The following C7 variants were observed in gnomAD, a reference collection of about 807,000 sequenced individuals.
C7 encodes the protein complement component C7.
C7 carries 83 observed loss-of-function variants against 104.8 expected under a neutral mutation model. The observed-to-expected ratio is 0.79, with a 90% CI of 0.66 to 0.95. The LOEUF is 0.95. C7 is among the 40% of genes least tolerant of loss of function. The pLI is 0.00. For synonymous variants in C7, 415 were observed against 360.6 expected, an observed-to-expected ratio of 1.15 and a Z score of -1.71; for missense variants, 1,070 against 1,011.2, an observed-to-expected ratio of 1.06 and a Z score of -0.79.
chr5:40,939,700 C>T lies in C7; in HGVS notation c.567+2010C>T, dbSNP rs183500547. On this transcript the variant is annotated intron_variant, in intron 6 of 17. Transcript: ENST00000313164. ...TTCTTTCATAATTATAATGTGGAGA[C>T]TTGCATGTATATTTTTGAAAGGGTC... 5.7e-4 allele frequency among the ~76,000 whole-genome samples: 87 copies of T among 152,264 alleles called. 1 individual carries two copies. Among genetic ancestry groups the T allele is most frequent in the Non-Finnish European group, 1.1e-3 (77 of 68,030 alleles).
intron 11 of C7, among the ~76,000 whole-genome samples, chr5:40,958,621 C>T (rs1740350923): frequency 6.6e-6 from 1 of 152,186 alleles, no homozygotes; most frequent in Admixed American, 6.5e-5. Context: ...ATGGCATGCT[C>T]TTTGAAACAT....
intron 15 of C7, among the ~76,000 whole-genome samples, chr5:40,973,820 A>G (rs996296585): frequency 6.6e-6 from 1 of 152,258 alleles, no homozygotes; most frequent in Non-Finnish European, 1.5e-5. Context: ...CTAAAATGCT[A>G]CTTCAGCTAT....
At chr5:40,940,351 G>T (rs899786342) in intron 6 of C7, among the ~76,000 whole-genome samples, 4 of 152,118 alleles carry the variant, frequency 2.6e-5, no homozygotes, top group Admixed American at 2.0e-4. Context: ...GGCATTTATG[G>T]CTTGGGAAGG....
intron 15 of C7, 139 bp downstream of exon 15, chr5:40,972,733 AGACT>A: frequency 1.6e-6 from 1 of 624,966 alleles, no homozygotes; most frequent in Non-Finnish European, 2.7e-6. Flanking sequence ...GTCAGTTTGT[AGACT>A]GAGTAACAGA....
Position 40,909,728 on chromosome 5 carries a change from A to C in C7, c.6+112A>C, listed in dbSNP as rs189419523. On this transcript the variant is annotated intron_variant, in intron 1 of 17. Coordinates refer to ENST00000313164, the MANE Select transcript of C7 (RefSeq NM_000587.4). ...TGTAATACCTAACTGAAAGACATCA[A>C]ATAAATAGAAGGCCAGAGGAAAATA... The C allele has an allele frequency of 1.2e-3, 762 of 649,872 alleles. 4 individuals carry two copies. The African/African-American group carries it at 0.012, about 11-fold the overall frequency. The allele number at this position is 649,872 out of a possible 1,614,324, so 40.3% of individuals were successfully genotyped here.
chr5:40,922,814 A>G (rs916549953), intron 1 of C7, among the ~76,000 whole-genome samples: 3 of 152,318 alleles, frequency 2.0e-5, no homozygotes, highest in Non-Finnish European at 4.4e-5. Flanking sequence ...CTTCTGCCAT[A>G]TACAAAAATA....
intron 13 of C7, 117 bp downstream of exon 13, chr5:40,962,289 G>A: frequency 1.8e-6 from 1 of 556,150 alleles, no homozygotes; most frequent in Non-Finnish European, 3.0e-6. Flanking sequence ...TTTTATATAT[G>A]CATTTTAGTT....
At chr5:40,955,017 C>T (rs2111654206) in intron 9 of C7, 1 of 223,416 alleles carries the variant, frequency 4.5e-6, no homozygotes, top group South Asian at 6.4e-5. Flanking sequence ...TGCTCCCACA[C>T]AGGCAAAGCC....
chr5:40,928,387 TC>T (rs1412743912), intron 1 of C7, among the ~76,000 whole-genome samples, 192 bp from the exon 2 acceptor site: 9 of 152,162 alleles, frequency 5.9e-5, no homozygotes, highest in African/African-American at 1.7e-4. Context: ...ATTTCAAATT[TC>T]TTTGCCACAA....
At position 40,977,832 on chromosome 5, in the gene C7, A is replaced by T. The variant is rs543525316; in HGVS notation, c.2165+992A>T. Among the ~76,000 whole-genome samples, 12 of 152,282 alleles carry T rather than the reference A, an allele frequency of 7.9e-5. No individual in the cohort carries two copies. The East Asian group carries it at 1.5e-3, about 20-fold the overall frequency. On this transcript the variant is annotated intron_variant, in intron 16 of 17. Transcript: ENST00000313164. Reference sequence around the variant, plus strand: ...GCCCCTAGACTTAGTGGCCATTTTTAAAATTAAAAACCAACACATGACCTG... The same window carrying T: ...GCCCCTAGACTTAGTGGCCATTTTTTAAATTAAAAACCAACACATGACCTG...
intron 9 of C7, 49 bp downstream of exon 9, chr5:40,950,063 T>A: frequency 8.8e-7 from 1 of 1,135,212 alleles, no homozygotes; most frequent in African/African-American, 1.6e-5. Context: ...TTCTTTTTTT[T>A]TTACTTTTAA....
chr5:40,922,533 C>T (rs1301530361), intron 1 of C7, among the ~76,000 whole-genome samples: 1 of 151,408 alleles, frequency 6.6e-6, no homozygotes, highest in Non-Finnish European at 1.5e-5. Context: ...AACCCCGTCT[C>T]TACTAAAAAT....
At position 40,958,037 on chromosome 5, in the gene C7, C is replaced by T. The variant is rs1350983919; in HGVS notation, c.1265C>T (p.Thr422Ile). Residue 422 changes from threonine to isoleucine, a missense_variant, in exon 11 of 18, where the codon ACA becomes ATA. Physicochemically the swap from Thr to Ile is moderately conservative, Grantham distance 89. Coordinates refer to ENST00000313164, the MANE Select transcript of C7 (RefSeq NM_000587.4). The stretch of plus-strand genomic sequence containing the variant: ...ATAATGTCTTTATCTCTATAGCTGA[C>T]ACCTTTATATGAGCTGGTAAAGGAA... Reference protein sequence around the residue: ...NLPQVIKQKLTPLYELVKEVP... With the variant: ...NLPQVIKQKLIPLYELVKEVP... The T allele has an allele frequency of 6.2e-6, 10 of 1,608,634 alleles. No individual in the cohort carries two copies. In the East Asian group the frequency reaches 2.2e-4, roughly 36 times the overall value.
intron 9 of C7, among the ~76,000 whole-genome samples, chr5:40,952,073 G>T (rs1408230775): frequency 6.6e-6 from 1 of 152,210 alleles, no homozygotes; most frequent in Non-Finnish European, 1.5e-5. Flanking sequence ...TTGAGAAGAT[G>T]TTGACATCAG....
At chr5:40,941,072 T>TC (rs1408514460) in intron 6 of C7, among the ~76,000 whole-genome samples, 1 of 151,718 alleles carries the variant, frequency 6.6e-6, no homozygotes, top group Non-Finnish European at 1.5e-5. Context: ...CTTTTTTTTT[T>TC]TTTTTGAGAG....
intron 1 of C7, among the ~76,000 whole-genome samples, chr5:40,916,595 G>A (rs1314776456): frequency 6.6e-6 from 1 of 152,096 alleles, no homozygotes; most frequent in Non-Finnish European, 1.5e-5. Flanking sequence ...AACCATTTAA[G>A]TCTACTGAGT....
intron 6 of C7, among the ~76,000 whole-genome samples, chr5:40,943,702 T>TATATATACACACAGAC (rs1482463008): frequency 6.8e-6 from 1 of 148,088 alleles, no homozygotes; most frequent in African/African-American, 2.6e-5. Context: ...TGTGTGTATA[T>TATATATACACACAGAC]ATATATACAC....
intron 10 of C7, 105 bp from the exon 11 acceptor site, chr5:40,957,928 C>T (rs1051420665): frequency 2.3e-5 from 15 of 663,934 alleles, no homozygotes; most frequent in East Asian, 5.6e-5. Context: ...CAAACTTGCC[C>T]GTGGCTTTTG....
At chr5:40,929,777 GC>G in intron 2 of C7, among the ~76,000 whole-genome samples, 1 of 152,302 alleles carries the variant, frequency 6.6e-6, no homozygotes, top group East Asian at 1.9e-4. Context: ...TTTTAGTGGA[GC>G]TGTTTAAGCT....
Sources: allele counts gnomAD v4.1 joint callset (sites outside exome capture counted in the v4.1 genomes callset), GRCh38; gene constraint gnomAD v4.1.1; transcripts MANE v1.5; gene names NCBI Gene and HGNC (gene_info 2026-07-23, HGNC 2026-07-21).